Variants in PPME1 observed in about 807,000 individuals in gnomAD.
PPME1 encodes testicular secretory protein Li 39.
In PPME1, 17 loss-of-function variants were observed where a neutral mutation model predicts 56.9. The observed-to-expected ratio is 0.30, with a 90% CI of 0.20 to 0.45. PPME1 has a LOEUF of 0.45. Ranked by LOEUF, PPME1 falls within the 20% of genes least tolerant of loss-of-function variation. The probability of loss-of-function intolerance (pLI) is 1.00; values close to 1 mark genes in which losing one functional copy is unlikely to be tolerated. For missense variants in PPME1, 357 were observed against 483.2 expected (o/e 0.74, Z 2.45); for synonymous variants, 122 against 156.2 (o/e 0.78, Z 1.63).
intron 3 of PPME1, among the ~76,000 whole-genome samples, chr11:74,220,153 C>G (rs546286331): frequency 6.6e-6 from 1 of 152,138 alleles, no homozygotes; most frequent in Non-Finnish European, 1.5e-5. Flanking sequence ...TCCACACTTT[C>G]ACCAATACCT....
chr11:74,237,273 G>GTTTTTTTTTTTTTTT (rs1859214670), intron 8 of PPME1, among the ~76,000 whole-genome samples: 4 of 134,376 alleles, frequency 3.0e-5, no homozygotes, highest in Non-Finnish European at 4.5e-5. Context: ...ATGTCTGGTT[G>GTTTTTTTTTTTTTTT]TCTTTTTTTT....
intron 1 of PPME1, among the ~76,000 whole-genome samples, chr11:74,191,093 T>C (rs1857825434): frequency 6.6e-6 from 1 of 152,230 alleles, no homozygotes; most frequent in Non-Finnish European, 1.5e-5. Context: ...CCAGGTGCAC[T>C]GGGAGGCCAA....
intron 7 of PPME1, among the ~76,000 whole-genome samples, chr11:74,234,367 A>G (rs1450782829): frequency 1.3e-5 from 2 of 152,342 alleles, no homozygotes; most frequent in East Asian, 3.9e-4. Context: ...GAATGTAAAG[A>G]CCTAGGAACT....
chr11:74,237,411 G>T (rs1859221025), intron 8 of PPME1, among the ~76,000 whole-genome samples: 1 of 151,746 alleles, frequency 6.6e-6, no homozygotes, highest in Non-Finnish European at 1.5e-5. Context: ...GAGTAGCTGG[G>T]ACTACAGGCA....
chr11:74,230,493 T>TGAATGAAA lies in PPME1; in HGVS notation c.553+94_553+95insGAATGAAA. On this transcript the variant is annotated intron_variant, in intron 6 of 13. Coordinates refer to ENST00000328257, the MANE Select transcript of PPME1 (RefSeq NM_016147.3). The surrounding 1 kb of genome is among the most constrained non-coding windows in gnomAD (Gnocchi z 4.9). ...TTGTCTTAGTTTATTGTTGATTTCA[T>TGAATGAAA]TCATCTTGAAATATGTCCCTCTGTC... The TGAATGAAA allele has an allele frequency of 3.6e-6, 5 of 1,388,598 alleles. No individual in the cohort carries two copies. Among genetic ancestry groups the TGAATGAAA allele is most frequent in the Non-Finnish European group, 5.0e-6 (5 of 997,440 alleles). 86.0% of individuals were successfully genotyped at this position (1,388,598 alleles called of 1,614,324 possible). A position where few individuals can be genotyped will look rare whatever the true frequency, so the allele number is the denominator to read the frequency against.
intron 1 of PPME1, among the ~76,000 whole-genome samples, chr11:74,178,243 G>A (rs893714051): frequency 2.0e-5 from 3 of 152,110 alleles, no homozygotes; most frequent in African/African-American, 7.2e-5. Flanking sequence ...AAAGAAGCGG[G>A]GGCCAAAGTC....
intron 1 of PPME1, among the ~76,000 whole-genome samples, chr11:74,177,705 A>G (rs1231453615): frequency 6.6e-6 from 1 of 152,206 alleles, no homozygotes; most frequent in Non-Finnish European, 1.5e-5. Context: ...CCAGAAAAAA[A>G]TCCTGATAGT....
chr11:74,188,328 A>G (rs1436467030), intron 1 of PPME1, among the ~76,000 whole-genome samples: 1 of 151,570 alleles, frequency 6.6e-6, no homozygotes, highest in African/African-American at 2.4e-5. Context: ...CTGGGATTAC[A>G]GGCGCCTGCC....
intron 1 of PPME1, among the ~76,000 whole-genome samples, chr11:74,188,190 C>CTTTT (rs557437447): frequency 2.2e-5 from 3 of 136,762 alleles, no homozygotes; most frequent in Admixed American, 7.3e-5. Flanking sequence ...TCCTTTTTCT[C>CTTTT]TTTTTTTTTT....
At chr11:74,227,454 T>A (rs1039553025) in intron 5 of PPME1, among the ~76,000 whole-genome samples, 2 of 150,796 alleles carry the variant, frequency 1.3e-5, no homozygotes, top group Non-Finnish European at 2.9e-5. Flanking sequence ...TTTGTGTGAT[T>A]TCTGAATTCA....
intron 2 of PPME1, 96 bp from the exon 3 acceptor site, chr11:74,204,257 G>C: frequency 1.1e-6 from 1 of 936,652 alleles, no homozygotes. Flanking sequence ...GCAGTCTGCA[G>C]TTTTGCATGT....
chr11:74,251,193 G>C, intron 12 of PPME1, 175 bp downstream of exon 12: 1 of 1,450,444 alleles, frequency 6.9e-7, no homozygotes, highest in Non-Finnish European at 9.1e-7. Flanking sequence ...TATGGTATTG[G>C]TTTTGTGTAT....
At chr11:74,201,322 G>A (rs762751077) in intron 1 of PPME1, among the ~76,000 whole-genome samples, 2 of 152,008 alleles carry the variant, frequency 1.3e-5, no homozygotes, top group Non-Finnish European at 2.9e-5. Flanking sequence ...GAAATTAGAA[G>A]TGGAGGGTGT....
chr11:74,250,044 T>TA (rs1298432104), intron 11 of PPME1: 1 of 152,188 alleles, frequency 6.6e-6, no homozygotes, highest in African/African-American at 2.4e-5. Flanking sequence ...TTGTATAGGG[T>TA]AGATTTTGAG....
At chr11:74,195,383 C>T (rs1226208450) in intron 1 of PPME1, among the ~76,000 whole-genome samples, 2 of 152,122 alleles carry the variant, frequency 1.3e-5, no homozygotes, top group African/African-American at 4.8e-5. Context: ...TGGAATTATA[C>T]AGGATTCAGT....
chr11:74,249,224 G>C (rs1332298076), intron 11 of PPME1: 1 of 152,216 alleles, frequency 6.6e-6, no homozygotes, highest in Non-Finnish European at 1.5e-5. Context: ...AATGGCTAAG[G>C]CTGCATAGAT....
chr11:74,245,584 C>T (rs949508859), intron 9 of PPME1, among the ~76,000 whole-genome samples: 1 of 152,138 alleles, frequency 6.6e-6, no homozygotes, highest in Non-Finnish European at 1.5e-5. Context: ...AAAAAATGCT[C>T]TACTGACAAA....
At chr11:74,235,552 T>A (rs1472621947) in intron 7 of PPME1, among the ~76,000 whole-genome samples, 4 of 152,144 alleles carry the variant, frequency 2.6e-5, no homozygotes, top group African/African-American at 7.2e-5. Flanking sequence ...TTCTCTGACC[T>A]CCTCATTCAT....
At chr11:74,184,989 CTTTTTTTTTT>C (rs559947122) in intron 1 of PPME1, among the ~76,000 whole-genome samples, 52 of 95,740 alleles carry the variant, frequency 5.4e-4, no homozygotes, top group East Asian at 3.5e-3. Context: ...TGAAGTATGT[CTTTTTTTTTT>C]TTTTTTTTTT....
Sources: gnomAD v4.1 joint callset for allele counts (sites outside exome capture counted in the v4.1 genomes callset) on GRCh38, gnomAD v4.1.1 for gene constraint, Gnocchi (gnomAD v3.1) non-coding constraint, MANE v1.5 for transcripts, NCBI Gene and HGNC (gene_info 2026-07-23, HGNC 2026-07-21) for gene names.